SUMF1: variants seen among roughly 807,000 people sequenced by gnomAD.
The protein encoded by SUMF1 is formylglycine-generating enzyme.
A neutral mutation model predicts 47.6 loss-of-function variants in SUMF1; 48 were observed. The observed-to-expected ratio is 1.01, with a 90% confidence interval of 0.80 to 1.28. The LOEUF is 1.28. SUMF1 is among the 50% of genes most tolerant of loss of function. SUMF1 has a pLI of 0.00. For missense variants in SUMF1, 571 were observed against 485.4 expected (o/e 1.18, Z -1.66); for synonymous variants, 230 against 192.1 (o/e 1.20, Z -1.63).
At chr3:4,202,402 T>C (rs1378771815) in intron 8 of SUMF1, among the ~76,000 whole-genome samples, 1 of 151,984 alleles carries the variant, frequency 6.6e-6, no homozygotes, top group Non-Finnish European at 1.5e-5. Flanking sequence ...CTGTCAAAAA[T>C]GAATTCATTG....
intron 8 of SUMF1, among the ~76,000 whole-genome samples, chr3:4,366,764 T>C (rs1699975077): frequency 6.6e-6 from 1 of 151,438 alleles, no homozygotes; most frequent in African/African-American, 2.4e-5. Flanking sequence ...GGTGAGGAAC[T>C]GCGTTCCTTT....
intron 8 of SUMF1, among the ~76,000 whole-genome samples, chr3:4,135,904 A>G (rs1290347282): frequency 1.3e-5 from 2 of 152,160 alleles, no homozygotes; most frequent in Non-Finnish European, 2.9e-5. Context: ...AATACACAGG[A>G]ATCCAACTTA....
intron 8 of SUMF1, among the ~76,000 whole-genome samples, chr3:4,121,923 GT>G (rs900189094): frequency 5.3e-5 from 8 of 152,004 alleles, no homozygotes; most frequent in African/African-American, 1.9e-4. Flanking sequence ...GTGTCCATGT[GT>G]TCTCATCATT....
chr3:4,068,642 C>G, exon 9 of SUMF1: 3 of 449,288 alleles, frequency 6.7e-6, no homozygotes, highest in South Asian at 4.8e-5. Context: ...ACGTATTGAG[C>G]AGCATGGTTC....
intron 8 of SUMF1, among the ~76,000 whole-genome samples, chr3:4,254,250 A>T (rs1696889662): frequency 1.3e-5 from 2 of 152,052 alleles, no homozygotes; most frequent in South Asian, 4.2e-4. Context: ...GCAACGGAAC[A>T]AAGCTGGATG....
chr3:4,456,633 TAC>T (rs1559311970), intron 1 of SUMF1, among the ~76,000 whole-genome samples: 1 of 137,312 alleles, frequency 7.3e-6, no homozygotes, highest in Non-Finnish European at 1.6e-5. Context: ...TATATATATA[TAC>T]GTGTATATAT....
chr3:4,204,984 G>T (rs1030366072), intron 8 of SUMF1, among the ~76,000 whole-genome samples: 3 of 152,006 alleles, frequency 2.0e-5, no homozygotes, highest in Non-Finnish European at 4.4e-5. Flanking sequence ...TTGGTCATTT[G>T]TGCCTTATTT....
chr3:4,346,116 C>T (rs759279455), intron 8 of SUMF1, among the ~76,000 whole-genome samples: 2 of 152,042 alleles, frequency 1.3e-5, no homozygotes, highest in African/African-American at 2.4e-5. Flanking sequence ...TTAGACAGAT[C>T]AACAAGACAG....
intron 8 of SUMF1, among the ~76,000 whole-genome samples, chr3:4,071,512 C>A (rs756625341): frequency 6.6e-6 from 1 of 152,232 alleles, no homozygotes; most frequent in Non-Finnish European, 1.5e-5. Context: ...CCTGGCTCAG[C>A]AGGTCCCATG....
chr3:4,317,128 A>G, intron 8 of SUMF1: 2 of 1,546,130 alleles, frequency 1.3e-6, no homozygotes, highest in Non-Finnish European at 1.7e-6. Context: ...CAGGATGCAG[A>G]AAATGCTTTC....
intron 8 of SUMF1, among the ~76,000 whole-genome samples, chr3:4,218,177 AAG>A (rs1695980034): frequency 6.6e-6 from 1 of 152,058 alleles, no homozygotes; most frequent in African/African-American, 2.4e-5. Flanking sequence ...TTATAAGCCA[AAG>A]AGAGAGACCT....
chr3:4,271,510 GATAGAT>G (rs1697303505), intron 8 of SUMF1, among the ~76,000 whole-genome samples: 51 of 147,812 alleles, frequency 3.5e-4, no homozygotes, highest in Admixed American at 3.2e-3. Context: ...TAGATAGATA[GATAGAT>G]AGATACAGAG....
In SUMF1 at chr3:4,151,509, ATG is replaced by A. The variant is rs1491305715; in HGVS notation, c.1015-82766_1015-82765del. On this transcript the variant is annotated intron_variant and NMD_transcript_variant, in intron 8 of 12. Coordinates refer to the SUMF1 transcript ENST00000448413. ...TGTATATATACGTATATATGTGTATATGTATACGTATATATGTATATATGTGT... is the reference window on the plus strand; with the variant it reads ...TGTATATATACGTATATATGTGTATATATACGTATATATGTATATATGTGT... 1.1e-4 allele frequency among the ~76,000 whole-genome samples: 16 copies of A among 144,736 alleles called. 1 individual carries two copies. The highest frequency in any genetic ancestry group is 3.1e-4 in the African/African-American group (12 of 38,690). The allele number at this position is 144,736 out of a possible 152,430, so 95.0% of individuals were successfully genotyped here. A position where few individuals can be genotyped will look rare whatever the true frequency, so the allele number is the denominator to read the frequency against.
At chr3:4,264,212 C>T (rs761064010) in intron 8 of SUMF1, among the ~76,000 whole-genome samples, 2 of 152,148 alleles carry the variant, frequency 1.3e-5, no homozygotes, top group Non-Finnish European at 2.9e-5. Flanking sequence ...AGCCAGGATA[C>T]AACCCAGTTA....
At chr3:4,057,695 C>T (rs1695216110) in intron 9 of SUMF1, among the ~76,000 whole-genome samples, 1 of 152,032 alleles carries the variant, frequency 6.6e-6, no homozygotes, top group Non-Finnish European at 1.5e-5. Flanking sequence ...GAAGGAGGAA[C>T]CTGTGGTCCA....
intron 9 of SUMF1, among the ~76,000 whole-genome samples, chr3:4,040,024 A>G (rs565752867): frequency 5.1e-4 from 78 of 152,132 alleles, no homozygotes; most frequent in Non-Finnish European, 8.5e-4. Context: ...CTCAAGAAAA[A>G]AAATGTTTTG....
intron 8 of SUMF1, chr3:4,316,771 A>C (rs1698674525): frequency 6.4e-7 from 1 of 1,550,796 alleles, no homozygotes; most frequent in Non-Finnish European, 8.7e-7. Flanking sequence ...CCAATCTTGC[A>C]CCCAAAAAAG....
chr3:4,239,813 T>C (rs1696497396), intron 8 of SUMF1, among the ~76,000 whole-genome samples: 1 of 152,184 alleles, frequency 6.6e-6, no homozygotes, highest in East Asian at 1.9e-4. Flanking sequence ...CTATGTTGAA[T>C]AGGAGTGGTG....
At chr3:4,149,950 T>A (rs1425243317) in intron 8 of SUMF1, among the ~76,000 whole-genome samples, 1 of 152,160 alleles carries the variant, frequency 6.6e-6, no homozygotes, top group Non-Finnish European at 1.5e-5. Flanking sequence ...CATTTGCATA[T>A]CTTCCATATT....
Sources: allele counts gnomAD v4.1 joint callset (sites outside exome capture counted in the v4.1 genomes callset), GRCh38; gene constraint gnomAD v4.1.1; transcripts MANE v1.5; gene names NCBI Gene and HGNC (gene_info 2026-07-23, HGNC 2026-07-21).